The following SLC29A3 variants were observed in gnomAD, a reference collection of about 807,000 sequenced individuals.
The protein encoded by SLC29A3 is solute carrier family 29 member 3.
SLC29A3 carries 18 observed loss-of-function variants against 25.4 expected under a neutral mutation model. The ratio of observed to expected loss-of-function variants is 0.71; its 90% CI spans 0.49 to 1.05. SLC29A3 has a LOEUF of 1.05. Ranked by LOEUF, SLC29A3 falls within the 50% of genes least tolerant of loss-of-function variation. SLC29A3 has a pLI of 0.00. For synonymous variants in SLC29A3, 258 were observed against 267.1 expected (o/e 0.97, Z 0.33); for missense variants, 586 against 609.0 (o/e 0.96, Z 0.40).
chr10:71,358,581 G>A (rs887480984), intron 5 of SLC29A3, among the ~76,000 whole-genome samples: 6 of 152,232 alleles, frequency 3.9e-5, no homozygotes, highest in East Asian at 1.9e-4. Context: ...GCACCTCAGC[G>A]TTGTGCCTTA....
At chr10:71,323,751 G>A (rs949523969) in intron 2 of SLC29A3, among the ~76,000 whole-genome samples, 3 of 152,198 alleles carry the variant, frequency 2.0e-5, no homozygotes, top group Non-Finnish European at 2.9e-5. Context: ...GATCACCATG[G>A]GAGAGATTGC....
chr10:71,359,214 G>A (rs956860439), intron 5 of SLC29A3, among the ~76,000 whole-genome samples: 5 of 152,104 alleles, frequency 3.3e-5, no homozygotes, highest in South Asian at 2.1e-4. Context: ...TGCCTGGACC[G>A]AAGCTTCTGT....
At chr10:71,334,517 C>G (rs558231503) in intron 2 of SLC29A3, among the ~76,000 whole-genome samples, 10 of 152,328 alleles carry the variant, frequency 6.6e-5, no homozygotes, top group African/African-American at 2.4e-4. Context: ...TATGCATTTG[C>G]TAGCCATCTC....
chr10:71,341,038 C>G (rs1253303807), intron 2 of SLC29A3, among the ~76,000 whole-genome samples: 2 of 152,186 alleles, frequency 1.3e-5, no homozygotes, highest in Non-Finnish European at 1.5e-5. Context: ...TTCAGAGCAG[C>G]CAGTCTGGGG....
downstream of SLC29A3, among the ~76,000 whole-genome samples, chr10:71,366,901 C>T (rs1480315915): frequency 6.6e-6 from 1 of 152,204 alleles, no homozygotes; most frequent in Non-Finnish European, 1.5e-5. Context: ...GCAGCATTGT[C>T]AGTGCCAGTA....
intron 2 of SLC29A3, among the ~76,000 whole-genome samples, chr10:71,323,950 G>A (rs953929809): frequency 6.6e-6 from 1 of 152,190 alleles, no homozygotes; most frequent in African/African-American, 2.4e-5. Flanking sequence ...TCCAGGTGAG[G>A]AGTCAATTTT....
In SLC29A3 at chr10:71,362,194, C is replaced by A; in HGVS notation, c.1014C>A (p.Gly338=). 6.2e-7 allele frequency: 1 copy of A among 1,614,156 alleles called. No individual in the cohort carries two copies. The highest frequency in any genetic ancestry group is 1.3e-5 in the African/African-American group (1 of 75,024). Residue 338 remains glycine (G), a synonymous_variant, in exon 6 of 6, where the codon GGC becomes GGA. Coordinates refer to ENST00000373189, the MANE Select transcript of SLC29A3 (RefSeq NM_018344.6). ...TNIESLNKGS[G]SLWTTKFFIP... Reference sequence around the variant, plus strand: ...TCGAGTCCCTCAACAAGGGTTCGGGCTCACTGTGGACCACCAAGTTTTTCA... The same window carrying A: ...TCGAGTCCCTCAACAAGGGTTCGGGATCACTGTGGACCACCAAGTTTTTCA...
At chr10:71,322,718 CACCT>C in intron 1 of SLC29A3, 34 bp from the exon 2 acceptor site, 1 of 1,613,102 alleles carries the variant, frequency 6.2e-7, no homozygotes, top group Non-Finnish European at 8.5e-7. Flanking sequence ...GGTTTCTACT[CACCT>C]ACCCTGTCTC....
At position 71,330,838 on chromosome 10, in the gene SLC29A3, CT is replaced by C. The variant is rs56999747; in HGVS notation, c.300+7793del. Among the ~76,000 whole-genome samples the C allele has an allele frequency of 1.3e-4, 19 of 150,856 alleles. No homozygotes were observed. The East Asian group carries it at 1.8e-3, about 14-fold the overall frequency. ...TAAGCAATCTACTGTGTACTAGAAG[CT>C]TTTTTTTTCATGATCTTTTGTTTGT... On this transcript the variant is annotated intron_variant, in intron 2 of 5. Coordinates refer to ENST00000373189, the MANE Select transcript of SLC29A3 (RefSeq NM_018344.6).
At chr10:71,326,099 T>C (rs976741791) in intron 2 of SLC29A3, among the ~76,000 whole-genome samples, 3 of 151,786 alleles carry the variant, frequency 2.0e-5, no homozygotes, top group Non-Finnish European at 4.4e-5. Context: ...TTTGTATTTT[T>C]GGTAGAGACA....
At chr10:71,366,849 G>A (rs1442465820), downstream of SLC29A3, among the ~76,000 whole-genome samples, 10 of 152,190 alleles carry the variant, frequency 6.6e-5, no homozygotes. Flanking sequence ...TTTCTGAGTG[G>A]GAGTACCTCG....
At chr10:71,368,601 C>G (rs982220702) in intron 3 of SLC29A3, among the ~76,000 whole-genome samples, 5 of 152,242 alleles carry the variant, frequency 3.3e-5, no homozygotes, top group Non-Finnish European at 7.3e-5. Context: ...CTCACTTTGT[C>G]CTTTGGACAG....
intron 2 of SLC29A3, among the ~76,000 whole-genome samples, chr10:71,343,877 C>CT (rs1406142449): frequency 2.0e-5 from 3 of 152,216 alleles, no homozygotes; most frequent in Non-Finnish European, 4.4e-5. Context: ...AGACATAACA[C>CT]TGAGTTCTGT....
intron 4 of SLC29A3, chr10:71,375,899 G>GA (rs1208541932): frequency 2.0e-5 from 3 of 152,174 alleles, no homozygotes; most frequent in Non-Finnish European, 2.9e-5. Context: ...TTTTAGCCAA[G>GA]AAAAATAAGA....
At position 71,376,661 on chromosome 10, in the gene SLC29A3, G is replaced by A. The variant is rs1417755750; in HGVS notation, c.*211+850G>A. 3.9e-5 allele frequency among the ~76,000 whole-genome samples: 6 copies of A among 152,184 alleles called. No individual in the cohort carries two copies. In the East Asian group the frequency reaches 1.2e-3, roughly 29 times the overall value. Reference sequence around the variant, plus strand: ...ATGACTAGCTATAGAGTTTATTCAAGCCCAAAGCTTGAGGATGGCCACCCA... The same window carrying A: ...ATGACTAGCTATAGAGTTTATTCAAACCCAAAGCTTGAGGATGGCCACCCA... On this transcript the variant is annotated intron_variant and NMD_transcript_variant, in intron 4 of 4. Coordinates refer to the SLC29A3 transcript ENST00000642772.
chr10:71,347,269 T>A (rs1415807105), intron 3 of SLC29A3, among the ~76,000 whole-genome samples: 1 of 152,176 alleles, frequency 6.6e-6, no homozygotes, highest in African/African-American at 2.4e-5. Flanking sequence ...ATTTACATCT[T>A]GGAGACTTAT....
chr10:71,324,416 G>A (rs1222655780), intron 2 of SLC29A3, among the ~76,000 whole-genome samples: 1 of 152,154 alleles, frequency 6.6e-6, no homozygotes, highest in Non-Finnish European at 1.5e-5. Context: ...TATATGGGGG[G>A]ATCCTGGAAC....
At chr10:71,335,274 G>C (rs1332221130) in intron 2 of SLC29A3, among the ~76,000 whole-genome samples, 1 of 151,968 alleles carries the variant, frequency 6.6e-6, no homozygotes, top group African/African-American at 2.4e-5. Flanking sequence ...CCCTCTTTAG[G>C]CAGCTGCCTG....
intron 5 of SLC29A3, 71 bp downstream of exon 5, chr10:71,356,314 C>T: frequency 6.4e-7 from 1 of 1,571,248 alleles, no homozygotes; most frequent in Non-Finnish European, 8.7e-7. Context: ...TTTTTCTCAG[C>T]AGCTTCTATG....
Sources: gnomAD v4.1 joint callset for allele counts (sites outside exome capture counted in the v4.1 genomes callset) on GRCh38, gnomAD v4.1.1 for gene constraint, MANE v1.5 for transcripts, NCBI Gene and HGNC (gene_info 2026-07-23, HGNC 2026-07-21) for gene names.